The following CARD19 variants were observed in gnomAD, a reference collection of about 807,000 sequenced individuals.
CARD19 encodes caspase recruitment domain-containing protein 19.
CARD19 carries 25 observed loss-of-function variants against 24.1 expected under a neutral mutation model. That is an observed-to-expected ratio of 1.04 (90% CI 0.76 to 1.45). The LOEUF (loss-of-function observed/expected upper bound fraction) is 1.45. Among genes scored for constraint, CARD19 ranks in the 40% most tolerant of loss-of-function variants. CARD19 has a pLI of 0.00. For missense variants in CARD19, 241 were observed against 247.4 expected (o/e 0.97, Z 0.17); for synonymous variants, 103 against 104.9 (o/e 0.98, Z 0.11).
chr9:93,103,883 GCCC>G (rs1177004180), intron 1 of CARD19, among the ~76,000 whole-genome samples: 1 of 152,184 alleles, frequency 6.6e-6, no homozygotes, highest in Admixed American at 6.5e-5. Flanking sequence ...AGACAGTAGA[GCCC>G]TCATGACCTA....
chr9:93,105,895 C>T (rs954663584), intron 1 of CARD19, among the ~76,000 whole-genome samples: 2 of 152,142 alleles, frequency 1.3e-5, no homozygotes, highest in Non-Finnish European at 2.9e-5. Context: ...CTGTCTCTTA[C>T]TGAAAGTGGT....
At chr9:93,108,597 C>T (rs1276233165) in intron 2 of CARD19, among the ~76,000 whole-genome samples, 1 of 152,184 alleles carries the variant, frequency 6.6e-6, no homozygotes, top group Non-Finnish European at 1.5e-5. Flanking sequence ...GCCCTGCAGC[C>T]CTGTGGGCAG....
In CARD19 at chr9:93,110,529, C is replaced by G. The variant is rs770152717; in HGVS notation, c.151-39C>G. On this transcript the variant is annotated intron_variant, in intron 2 of 5. Transcript: ENST00000375464. Reference sequence around the variant, plus strand: ...CCTGCCCTGACCCACAGCCAGCCCCCCTGGCCTGATCTTCCCTGGCACCCC... The same window carrying G: ...CCTGCCCTGACCCACAGCCAGCCCCGCTGGCCTGATCTTCCCTGGCACCCC... 8 of 1,559,880 alleles carry G rather than the reference C, an allele frequency of 5.1e-6. No homozygotes were observed. In the African/African-American group the frequency reaches 9.4e-5, roughly 18 times the overall value.
intron 5 of CARD19, 87 bp from the exon 6 acceptor site, chr9:93,112,905 C>A: frequency 2.2e-6 from 2 of 889,556 alleles, no homozygotes; most frequent in Non-Finnish European, 3.5e-6. Context: ...AGTGCCTGTT[C>A]CCACCCACCC....
chr9:93,099,245 C>T (rs1203891034), intron 1 of CARD19, among the ~76,000 whole-genome samples: 1 of 152,188 alleles, frequency 6.6e-6, no homozygotes, highest in Non-Finnish European at 1.5e-5. Flanking sequence ...TTAGTGAGCA[C>T]CTACTGGGTG....
rs34200537 is a variant in CARD19 at position 93,107,723 on chromosome 9, C to T, written c.57C>T (p.Gly19=). ...RLVQDTPFLT[G]HGRLSEQQVD... ...TGCAGGACACGCCTTTCCTGACAGG[C>T]CATGGGCGCTTGAGTGAGCAGCAGG... Residue 19 remains glycine, a synonymous_variant, in exon 2 of 6, where the codon GGC becomes GGT. Transcript: ENST00000375464. 1.2e-6 allele frequency: 2 copies of T among 1,614,068 alleles called. No homozygotes were observed. Among genetic ancestry groups the T allele is most frequent in the African/African-American group, 2.7e-5 (2 of 74,956 alleles).
intron 1 of CARD19, among the ~76,000 whole-genome samples, chr9:93,097,171 A>G (rs1826905311): frequency 6.6e-6 from 1 of 151,956 alleles, no homozygotes; most frequent in Non-Finnish European, 1.5e-5. Flanking sequence ...CCCAGAAGCT[A>G]CACTTCATTC....
intron 1 of CARD19, among the ~76,000 whole-genome samples, chr9:93,097,141 G>T (rs1381187114): frequency 6.6e-6 from 1 of 152,164 alleles, no homozygotes; most frequent in Admixed American, 6.5e-5. Flanking sequence ...ATGGCAGCCC[G>T]GCCAGGGAGT....
intron 3 of CARD19, 36 bp from the exon 4 acceptor site, chr9:93,111,843 C>A (rs762255419): frequency 6.2e-7 from 1 of 1,603,232 alleles, no homozygotes; most frequent in South Asian, 1.1e-5. Context: ...CCGGCCCTGC[C>A]CGTTGACTAA....
chr9:93,111,323 G>C lies in CARD19; in HGVS notation c.305-556G>C, dbSNP rs767673527. 6.2e-6 allele frequency: 7 copies of C among 1,130,570 alleles called. No individual in the cohort carries two copies. The African/African-American group carries it at 1.1e-4, about 18-fold the overall frequency. The allele number at this position is 1,130,570 out of a possible 1,614,324, so 70.0% of individuals were successfully genotyped here. On this transcript the variant is annotated intron_variant, in intron 3 of 5. Coordinates refer to ENST00000375464, the MANE Select transcript of CARD19 (RefSeq NM_032310.5). ...GGGCCCACAGAGCTGCTGGGATGTGGGGGGCATATCAAGTTGAAGATGGCA... is the reference window on the plus strand; with the variant it reads ...GGGCCCACAGAGCTGCTGGGATGTGCGGGGCATATCAAGTTGAAGATGGCA...
chr9:93,110,435 G>A, intron 2 of CARD19, 133 bp from the exon 3 acceptor site: 2 of 1,433,060 alleles, frequency 1.4e-6, no homozygotes, highest in South Asian at 1.4e-5. Context: ...GGTTGTCACA[G>A]GAGCTGCCAT....
rs540418521 is a variant in CARD19 at position 93,099,050 on chromosome 9, G to A, written c.7+2698G>A. ...CTGAGTAGCTGGCTCAGCCTTCTGA[G>A]TAGCTGGGAATACAGGCGTGTGCCA... On this transcript the variant is annotated intron_variant, in intron 1 of 5. Transcript: ENST00000375464. Among the ~76,000 whole-genome samples, 86 of 152,226 alleles carry A rather than the reference G, an allele frequency of 5.6e-4. No homozygotes were observed. In the Middle Eastern group the frequency reaches 0.014, roughly 24 times the overall value.
rs59978162 is a variant in CARD19, at chr9:93,106,572, A to C, written c.8-1102A>C. ...GACAGAGCAAGACTCTATCTCAAAA[A>C]AAAACAAAAAAAAAAAAACAAAGTT... is the stretch of plus-strand genomic sequence containing the variant. On this transcript the variant is annotated intron_variant, in intron 1 of 5. Coordinates refer to ENST00000375464, the MANE Select transcript of CARD19 (RefSeq NM_032310.5). Among the ~76,000 whole-genome samples, 1,099 of 137,128 alleles carry C rather than the reference A, an allele frequency of 8.0e-3. 18 individuals are homozygous for C. The highest frequency in any genetic ancestry group is 0.034 in the African/African-American group (1,037 of 30,936). 90.0% of individuals were successfully genotyped at this position (137,128 alleles called of 152,430 possible).
chr9:93,111,997 TC>T, intron 4 of CARD19, 59 bp downstream of exon 4: 1 of 1,554,818 alleles, frequency 6.4e-7, no homozygotes, highest in Middle Eastern at 2.3e-4. Flanking sequence ...CTCTTTACCC[TC>T]CCCAGGGCTC....
Position 93,112,269 on chromosome 9 carries a change from T to C in CARD19, c.416T>C (p.Leu139Pro), listed in dbSNP as rs1023925655. ...GLGLAVGLAL[L>P]LYCYPPDPKG... is the part of the protein sequence containing the mutation. Reference sequence around the variant, plus strand: ...GGCCTTGCTGTGGGACTGGCCCTGCTCCTGTACTGCTATCCGCCAGGTGGG... The same window carrying C: ...GGCCTTGCTGTGGGACTGGCCCTGCCCCTGTACTGCTATCCGCCAGGTGGG... The change falls in exon 5 of 6, where the codon CTC becomes CCC. Residue 139 changes from leucine (L) to proline (P), a missense_variant. Transcript: ENST00000375464. 6 of 1,544,660 alleles carry C rather than the reference T, an allele frequency of 3.9e-6. No individual in the cohort carries two copies. In the African/African-American group the frequency reaches 8.2e-5, roughly 21 times the overall value.
chr9:93,112,390 T>C (rs1234271038), intron 5 of CARD19, 101 bp downstream of exon 5: 29 of 939,142 alleles, frequency 3.1e-5, no homozygotes, highest in Middle Eastern at 2.2e-4. Flanking sequence ...GGCCTCTTCG[T>C]ACCTCGGTGT....
In CARD19 at chr9:93,112,335, GC is replaced by G. The variant is rs1289966397; in HGVS notation, c.436+48del. 7 of 1,511,044 alleles carry G rather than the reference GC, an allele frequency of 4.6e-6. No homozygotes were observed. The African/African-American group carries it at 9.7e-5, about 21-fold the overall frequency. The allele number at this position is 1,511,044 out of a possible 1,614,324, so 93.6% of individuals were successfully genotyped here. ...ATGGGGCTGGGCCTGCCTCCCCTCT[GC>G]CACCAAGCCAGGGCCCCAGACCCTG... On this transcript the variant is annotated intron_variant, in intron 5 of 5. Transcript: ENST00000375464.
rs570166980 is a variant in CARD19, at chr9:93,096,243, C to T, written c.-103C>T. ...AAAAGGGGCGGGCGAGCACGGCCCG[C>T]GGGCGGCGTTCGCTGGAGCTGGTGG... On this transcript the variant is annotated 5_prime_UTR_variant, in exon 1 of 6. Coordinates refer to ENST00000375464, the MANE Select transcript of CARD19 (RefSeq NM_032310.5). The surrounding 1 kb of genome is among the most constrained non-coding windows in gnomAD (Gnocchi z 5.4). 6.0e-6 allele frequency: 7 copies of T among 1,165,718 alleles called. No homozygotes were observed. The South Asian group carries it at 3.0e-4, about 50-fold the overall frequency. The allele number at this position is 1,165,718 out of a possible 1,614,324, so 72.2% of individuals were successfully genotyped here. A position where few individuals can be genotyped will look rare whatever the true frequency, so the allele number is the denominator to read the frequency against.
Position 93,112,291 on chromosome 9 carries a change from T to A in CARD19, c.436+2T>A. ...TGCTCCTGTACTGCTATCCGCCAGG[T>A]GGGTGCAAGCGGATCCTCATGGGGC... On this transcript the variant is annotated splice_donor_variant, in intron 5 of 5. Coordinates refer to ENST00000375464, the MANE Select transcript of CARD19 (RefSeq NM_032310.5). LOFTEE classifies it high-confidence loss of function. 6.5e-7 allele frequency: 1 copy of A among 1,543,046 alleles called. No homozygotes were observed. The highest frequency in any genetic ancestry group is 1.4e-5 in the African/African-American group (1 of 73,130).
Sources: allele counts gnomAD v4.1 joint callset (sites outside exome capture counted in the v4.1 genomes callset), GRCh38; gene constraint gnomAD v4.1.1; non-coding constraint Gnocchi (gnomAD v3.1); transcripts MANE v1.5; gene names NCBI Gene and HGNC (gene_info 2026-07-23, HGNC 2026-07-21).